ALK: variants seen among roughly 807,000 people sequenced by gnomAD.
ALK encodes the protein ALK receptor tyrosine kinase, also known as ALK tyrosine kinase receptor.
A neutral mutation model predicts 163.1 loss-of-function variants in ALK; 74 were observed. The observed-to-expected ratio is 0.45, with a 90% CI of 0.38 to 0.55. ALK has a LOEUF of 0.55. ALK is among the 20% of genes least tolerant of loss of function. The probability of loss-of-function intolerance (pLI) is 0.00; values close to 1 mark genes in which losing one functional copy is unlikely to be tolerated. For synonymous variants in ALK, 960 were observed against 843.2 expected, an observed-to-expected ratio of 1.14 and a Z score of -2.40; for missense variants, 2,063 against 2,105.3, an observed-to-expected ratio of 0.98 and a Z score of 0.39.
At chr2:29,260,369 C>A (rs537225127) in intron 11 of ALK, among the ~76,000 whole-genome samples, 1 of 152,114 alleles carries the variant, frequency 6.6e-6, no homozygotes, top group Non-Finnish European at 1.5e-5. Flanking sequence ...CGTGTTATTC[C>A]GCCCTCTGTA....
At position 29,766,866 on chromosome 2, in the gene ALK, C is replaced by T. The variant is rs528466753; in HGVS notation, c.668-49169G>A. 4.6e-5 allele frequency among the ~76,000 whole-genome samples: 7 copies of T among 152,320 alleles called. No homozygotes were observed. The East Asian group carries it at 1.4e-3, about 29-fold the overall frequency. On this transcript the variant is annotated intron_variant, in intron 1 of 28. Coordinates refer to ENST00000389048, the MANE Select transcript of ALK (RefSeq NM_004304.5). The stretch of plus-strand genomic sequence containing the variant: ...CAGGAGAAAAGGAGACCAGTGCTGA[C>T]AGCTTCTGAGTGTATCTCCTCACTT...
intron 1 of ALK, among the ~76,000 whole-genome samples, chr2:29,893,750 T>C (rs1667203912): frequency 6.6e-6 from 1 of 152,140 alleles, no homozygotes; most frequent in Non-Finnish European, 1.5e-5. Flanking sequence ...AATTAGCTTG[T>C]TTAAATGAAT....
At chr2:29,275,754 G>A (rs975494908) in intron 9 of ALK, among the ~76,000 whole-genome samples, 2 of 152,186 alleles carry the variant, frequency 1.3e-5, no homozygotes, top group Non-Finnish European at 2.9e-5. Context: ...GGAGTTTGGG[G>A]CCTGGGACCA....
At chr2:29,899,650 C>T (rs1667359951) in intron 1 of ALK, 1 of 152,118 alleles carries the variant, frequency 6.6e-6, no homozygotes, top group South Asian at 2.1e-4. Context: ...CACGGTGAAA[C>T]CCCGTCTCTA....
intron 3 of ALK, among the ~76,000 whole-genome samples, chr2:29,605,780 C>A (rs900594391): frequency 2.6e-5 from 4 of 152,090 alleles, no homozygotes; most frequent in Non-Finnish European, 5.9e-5. Flanking sequence ...TGGAGCAGAC[C>A]CAGTGAAGGC....
At chr2:29,569,218 G>A (rs574761039) in intron 3 of ALK, among the ~76,000 whole-genome samples, 8 of 152,116 alleles carry the variant, frequency 5.3e-5, no homozygotes, top group Non-Finnish European at 1.2e-4. Flanking sequence ...AATTTTGCAA[G>A]TTTCCTTTCA....
intron 3 of ALK, among the ~76,000 whole-genome samples, chr2:29,615,728 G>C (rs529265277): frequency 6.6e-6 from 1 of 152,334 alleles, no homozygotes; most frequent in South Asian, 2.1e-4. Context: ...ATGGCACACA[G>C]TAGGTACTCA....
At chr2:29,229,908 C>T (rs145900911) in intron 15 of ALK, among the ~76,000 whole-genome samples, 1 of 152,316 alleles carries the variant, frequency 6.6e-6, no homozygotes, top group Non-Finnish European at 1.5e-5. Flanking sequence ...CAGGGCTGTG[C>T]TTCCCAATGC....
chr2:29,889,766 G>C (rs925627045), intron 1 of ALK, among the ~76,000 whole-genome samples: 1 of 141,396 alleles, frequency 7.1e-6, no homozygotes, highest in Non-Finnish European at 1.5e-5. Flanking sequence ...AGAGAAACCA[G>C]GAGGGCAGGC....
Position 29,261,612 on chromosome 2 carries a change from C to T in ALK, c.2042-10345G>A, listed in dbSNP as rs1175238700. On this transcript the variant is annotated intron_variant, in intron 11 of 28. Coordinates refer to ENST00000389048, the MANE Select transcript of ALK (RefSeq NM_004304.5). ...CCAATGACCATGGTCTAGAACCTGC[C>T]GTTTCATTATGCTCTGCCTATTTTC... Among the ~76,000 whole-genome samples, 5 of 152,182 alleles carry T rather than the reference C, an allele frequency of 3.3e-5. No homozygotes were observed. In the South Asian group the frequency reaches 6.2e-4, roughly 19 times the overall value.
intron 1 of ALK, among the ~76,000 whole-genome samples, chr2:29,817,615 T>C (rs1483687079): frequency 6.6e-6 from 1 of 152,112 alleles, no homozygotes; most frequent in Non-Finnish European, 1.5e-5. Context: ...TATACTGACT[T>C]GGAAACAGAA....
intron 1 of ALK, among the ~76,000 whole-genome samples, chr2:29,914,219 G>A (rs1473063022): frequency 6.6e-6 from 1 of 152,196 alleles, no homozygotes; most frequent in Non-Finnish European, 1.5e-5. Context: ...GCATATTTCT[G>A]AGAAAGTCGC....
At chr2:29,223,952 G>A (rs1346024432) in intron 19 of ALK, 5 of 318,818 alleles carry the variant, frequency 1.6e-5, no homozygotes, top group South Asian at 1.1e-4. Context: ...ACGAGGGAGG[G>A]AGGGAAGGTT....
intron 3 of ALK, among the ~76,000 whole-genome samples, chr2:29,570,046 T>G (rs568710353): frequency 5.3e-5 from 8 of 152,160 alleles, no homozygotes; most frequent in Non-Finnish European, 1.0e-4. Flanking sequence ...CCTAACACTG[T>G]GGAAACAACT....
intron 3 of ALK, among the ~76,000 whole-genome samples, chr2:29,693,215 A>G (rs537458715): frequency 2.4e-4 from 37 of 152,300 alleles, no homozygotes; most frequent in African/African-American, 8.7e-4. Context: ...GTTTTGCTGT[A>G]ATCTCTAATC....
intron 4 of ALK, among the ~76,000 whole-genome samples, chr2:29,478,444 A>G (rs927231845): frequency 2.0e-5 from 3 of 152,344 alleles, no homozygotes; most frequent in Admixed American, 6.5e-5. Context: ...CACTGGGCAT[A>G]TATGGAAACA....
chr2:29,401,890 C>T (rs1038148288), intron 4 of ALK, among the ~76,000 whole-genome samples: 11 of 152,186 alleles, frequency 7.2e-5, no homozygotes, highest in South Asian at 4.2e-4. Flanking sequence ...TGGTCTGACA[C>T]GAAATTTAAA....
At chr2:29,640,696 T>C (rs1676677317) in intron 3 of ALK, among the ~76,000 whole-genome samples, 1 of 152,186 alleles carries the variant, frequency 6.6e-6, no homozygotes, top group African/African-American at 2.4e-5. Flanking sequence ...TTGAACAATA[T>C]GGAGTTAGTC....
chr2:29,227,630 T>A lies in ALK; in HGVS notation c.2858A>T (p.Glu953Val). The stretch of plus-strand genomic sequence containing the variant: ...TGGACTGATGAAGGAAACCCCATCT[T>A]CCCCATCCATTTCGGGGTCATTGTT... ...ASNNDPEMDG[E>V]DGVSFISPLG... Residue 953 changes from glutamate to valine, a missense_variant, in exon 17 of 29, where the codon GAA becomes GTA. Glu to Val is a moderately radical substitution (Grantham distance 121). Transcript: ENST00000389048. This position sits in a 1 kb window ranked among gnomAD's most constrained non-coding sequence, Gnocchi z 4.4. 1 of 1,614,012 alleles carries A rather than the reference T, an allele frequency of 6.2e-7. No homozygotes were observed. The highest frequency in any genetic ancestry group is 8.5e-7 in the Non-Finnish European group (1 of 1,180,024).
Sources: allele counts gnomAD v4.1 joint callset (sites outside exome capture counted in the v4.1 genomes callset), GRCh38; gene constraint gnomAD v4.1.1; non-coding constraint Gnocchi (gnomAD v3.1); transcripts MANE v1.5; gene names NCBI Gene and HGNC (gene_info 2026-07-23, HGNC 2026-07-21).